ELAPOR1: variants seen among roughly 807,000 people sequenced by gnomAD.
The protein encoded by ELAPOR1 is endosome-lysosome associated apoptosis and autophagy regulator 1.
In ELAPOR1, 77 loss-of-function variants were observed where a neutral mutation model predicts 119.7. The observed-to-expected ratio is 0.64, with a 90% CI of 0.54 to 0.78. ELAPOR1 has a LOEUF of 0.78. Among genes scored for constraint, ELAPOR1 ranks in the 30% least tolerant of loss-of-function variants. The pLI is 0.00. For missense variants in ELAPOR1, 1,115 were observed against 1,270.4 expected (o/e 0.88, Z 1.86); for synonymous variants, 481 against 487.2 (o/e 0.99, Z 0.17).
chr1:109,154,127 C>T (rs1234311012), intron 1 of ELAPOR1, among the ~76,000 whole-genome samples: 1 of 150,882 alleles, frequency 6.6e-6, no homozygotes, highest in Non-Finnish European at 1.5e-5. Context: ...ACTAAAAATA[C>T]AAAATTAGCT....
chr1:109,184,898 G>A (rs1652953146), intron 7 of ELAPOR1, 147 bp from the exon 8 acceptor site: 1 of 688,024 alleles, frequency 1.5e-6, no homozygotes, highest in Non-Finnish European at 2.6e-6. Context: ...GAGACAAGGG[G>A]AAGGGTGAGT....
chr1:109,204,259 T>C lies in ELAPOR1; in HGVS notation c.*1247T>C, dbSNP rs1415197659. The C allele has an allele frequency of 2.0e-5, 3 of 152,182 alleles. No individual in the cohort carries two copies. The highest frequency in any genetic ancestry group is 7.2e-5 in the African/African-American group (3 of 41,436). The allele number at this position is 152,182 out of a possible 1,614,324, so 9.4% of individuals were successfully genotyped here. On this transcript the variant is annotated 3_prime_UTR_variant, in exon 22 of 22. Transcript: ENST00000369939. Reference sequence around the variant, plus strand: ...TTTTAAACCACGTAGCTCATTGCCTTCTCTTAAGTAAATGATAGATATTCT... The same window carrying C: ...TTTTAAACCACGTAGCTCATTGCCTCCTCTTAAGTAAATGATAGATATTCT...
At chr1:109,122,356 TAAAAAAA>T (rs71069650) in intron 1 of ELAPOR1, among the ~76,000 whole-genome samples, 1 of 115,020 alleles carries the variant, frequency 8.7e-6, no homozygotes, top group African/African-American at 3.2e-5. Flanking sequence ...ACCTTTCCAT[TAAAAAAA>T]AAAAAAAAAA....
chr1:109,201,687 CT>C (rs1349119833), intron 21 of ELAPOR1, among the ~76,000 whole-genome samples: 2 of 152,082 alleles, frequency 1.3e-5, no homozygotes, highest in Non-Finnish European at 2.9e-5. Flanking sequence ...TGCTGACCTG[CT>C]AGGGAGACTC....
At chr1:109,173,434 T>C in intron 5 of ELAPOR1, 40 bp from the exon 6 acceptor site, 1 of 1,561,672 alleles carries the variant, frequency 6.4e-7, no homozygotes, top group Non-Finnish European at 8.8e-7. Context: ...AGCGAGATTT[T>C]TCTCTGTGAT....
chr1:109,196,401 A>T (rs916984016), intron 15 of ELAPOR1, among the ~76,000 whole-genome samples: 1 of 152,220 alleles, frequency 6.6e-6, no homozygotes, highest in African/African-American at 2.4e-5. Flanking sequence ...ACAGGTCATG[A>T]TCACTTAGGA....
intron 4 of ELAPOR1, 93 bp downstream of exon 4, chr1:109,172,106 T>TG: frequency 7.0e-7 from 1 of 1,431,168 alleles, no homozygotes. Context: ...TAGCCCTGCT[T>TG]GGGGGAATCA....
At chr1:109,172,611 G>A in intron 5 of ELAPOR1, 43 bp downstream of exon 5, 1 of 1,466,372 alleles carries the variant, frequency 6.8e-7, no homozygotes, top group Non-Finnish European at 9.5e-7. Context: ...CCAGAAAAGG[G>A]ACCCAGGGCC....
intron 1 of ELAPOR1, chr1:109,161,614 G>C (rs1272909349): frequency 2.7e-5 from 6 of 221,330 alleles, no homozygotes; most frequent in Non-Finnish European, 5.4e-5. Flanking sequence ...CCTTTCCCAC[G>C]TTCCTCTGCT....
chr1:109,171,397 C>T (rs1180921312), intron 3 of ELAPOR1, among the ~76,000 whole-genome samples: 1 of 151,914 alleles, frequency 6.6e-6, no homozygotes, highest in Non-Finnish European at 1.5e-5. Flanking sequence ...AAAAAAAATA[C>T]AGAAATTAGC....
intron 18 of ELAPOR1, 69 bp downstream of exon 18, chr1:109,198,743 A>G: frequency 7.2e-7 from 1 of 1,382,208 alleles, no homozygotes; most frequent in Non-Finnish European, 1.0e-6. Context: ...TGAGATCCAG[A>G]GATTACTGAA....
chr1:109,192,865 G>A lies in ELAPOR1; in HGVS notation c.1938G>A (p.Lys646=). ...GTGTGCCCTGTGGTCCAGGGACCAA[G>A]AACAACAAGGTACCTGTAGTCTGGC... ...QACVPCGPGT[K]NNKIHSLCYN... is the part of the protein sequence containing the mutation. The change falls in exon 14 of 22, where the codon AAG becomes AAA. Residue 646 remains lysine, a synonymous_variant. Coordinates refer to ENST00000369939, the MANE Select transcript of ELAPOR1 (RefSeq NM_020775.5). The A allele has an allele frequency of 6.2e-7, 1 of 1,613,860 alleles. No homozygotes were observed.
chr1:109,192,858 G>T lies in ELAPOR1; in HGVS notation c.1931G>T (p.Gly644Val), dbSNP rs983474232. The change falls in exon 14 of 22, where the codon GGG becomes GTG. Residue 644 changes from glycine to valine, a missense_variant. Physicochemically the swap from Gly to Val is moderately radical, Grantham distance 109. Coordinates refer to ENST00000369939, the MANE Select transcript of ELAPOR1 (RefSeq NM_020775.5). ...CAGGCCTGTGTGCCCTGTGGTCCAGGGACCAAGAACAACAAGGTACCTGTA... is the reference window on the plus strand; with the variant it reads ...CAGGCCTGTGTGCCCTGTGGTCCAGTGACCAAGAACAACAAGGTACCTGTA... ...GVQACVPCGPGTKNNKIHSLC... is the reference protein window; with the variant it reads ...GVQACVPCGPVTKNNKIHSLC... The T allele has an allele frequency of 8.7e-6, 14 of 1,613,896 alleles. No homozygotes were observed. The highest frequency in any genetic ancestry group is 1.2e-5 in the Non-Finnish European group (14 of 1,179,986).
intron 16 of ELAPOR1, 24 bp downstream of exon 16, chr1:109,197,678 CTTGT>C: frequency 2.7e-6 from 4 of 1,478,768 alleles, no homozygotes; most frequent in Non-Finnish European, 3.7e-6. Flanking sequence ...CTGCCTCAGC[CTTGT>C]TTGAGAGTGT....
rs142358404 is a variant in ELAPOR1, at chr1:109,200,071, G to T, written c.2641G>T (p.Val881Leu). Residue 881 changes from valine to leucine, a missense_variant, in exon 20 of 22, where the codon GTG (valine) becomes TTG (leucine). Val to Leu is a conservative substitution (Grantham distance 32, BLOSUM62 1). Transcript: ENST00000369939. ...CVAGIQKTTY[V>L]WREPKLCSGG... is the part of the protein sequence containing the mutation. ...TTCTCCCCAACAGAAGACTACTTAC[G>T]TGTGGCGAGAACCCAAGCTATGCTC... 12 of 1,614,020 alleles carry T rather than the reference G, an allele frequency of 7.4e-6. No homozygotes were observed. The highest frequency in any genetic ancestry group is 1.0e-5 in the Non-Finnish European group (12 of 1,180,016).
intron 17 of ELAPOR1, 114 bp downstream of exon 17, chr1:109,198,189 G>A (rs1653947580): frequency 3.7e-6 from 3 of 819,772 alleles, no homozygotes; most frequent in South Asian, 1.5e-5. Context: ...CATGTCTGAG[G>A]TCTAGCAGAT....
intron 1 of ELAPOR1, among the ~76,000 whole-genome samples, chr1:109,159,370 A>C (rs532793813): frequency 7.2e-5 from 11 of 152,344 alleles, no homozygotes; most frequent in Admixed American, 3.3e-4. Context: ...CTCCCACCTG[A>C]GTGAGACCCA....
At chr1:109,202,394 A>G (rs757199132) in intron 21 of ELAPOR1, among the ~76,000 whole-genome samples, 1 of 149,414 alleles carries the variant, frequency 6.7e-6, no homozygotes, top group East Asian at 2.0e-4. Flanking sequence ...TGCTGGGATC[A>G]CAGGTGTGAG....
rs759271488 is a variant in ELAPOR1, at chr1:109,197,600, G to A, written c.2248G>A (p.Gly750Ser). 6.2e-7 allele frequency: 1 copy of A among 1,614,248 alleles called. No individual in the cohort carries two copies. Among genetic ancestry groups the A allele is most frequent in the Admixed American group, 1.7e-5 (1 of 60,034 alleles). ...AGTCATCATCCCCCCAGAGGTGACA[G>A]GCTACAAGGCCGGGGTTTCCTCACA... ...QAVIIPPEVT[G>S]YKAGVSSQPV... is the part of the protein sequence containing the mutation. The change falls in exon 16 of 22, where the codon GGC becomes AGC. Residue 750 changes from glycine (G) to serine (S), a missense_variant. Transcript: ENST00000369939.
Sources: gnomAD v4.1 joint callset for allele counts (sites outside exome capture counted in the v4.1 genomes callset) on GRCh38, gnomAD v4.1.1 for gene constraint, MANE v1.5 for transcripts, NCBI Gene and HGNC (gene_info 2026-07-23, HGNC 2026-07-21) for gene names.